CTNNA3: variants seen among roughly 807,000 people sequenced by gnomAD.
CTNNA3 encodes the protein catenin alpha 3, also known as catenin alpha-3.
A neutral mutation model predicts 95.7 loss-of-function variants in CTNNA3; 76 were observed. That is an observed-to-expected ratio of 0.79 (90% CI 0.66 to 0.96). The LOEUF (loss-of-function observed/expected upper bound fraction) is 0.96. CTNNA3 is among the 40% of genes least tolerant of loss of function. The pLI is 0.00. For synonymous variants in CTNNA3, 431 were observed against 374.4 expected, an observed-to-expected ratio of 1.15 and a Z score of -1.74; for missense variants, 1,191 against 1,089.8, an observed-to-expected ratio of 1.09 and a Z score of -1.31.
intron 7 of CTNNA3, among the ~76,000 whole-genome samples, chr10:66,836,289 A>G (rs1295966609): frequency 6.6e-6 from 1 of 152,090 alleles, no homozygotes; most frequent in Non-Finnish European, 1.5e-5. Context: ...ACACTGTTTA[A>G]ATTCCACAGT....
At position 67,490,656 on chromosome 10, in the gene CTNNA3, G is replaced by T. The variant is rs576964078; in HGVS notation, c.579+31186C>A. Among the ~76,000 whole-genome samples the T allele has an allele frequency of 2.0e-5, 3 of 152,124 alleles. No individual in the cohort carries two copies. In the South Asian group the frequency reaches 6.2e-4, roughly 32 times the overall value. On this transcript the variant is annotated intron_variant, in intron 5 of 17. Transcript: ENST00000433211. ...GAACCTAGCAATGAAATTTAAAATT[G>T]ATCTAAAATCACAGCTATAAAGAGA...
intron 5 of CTNNA3, among the ~76,000 whole-genome samples, chr10:67,253,063 A>C (rs2132364412): frequency 6.6e-6 from 1 of 152,240 alleles, no homozygotes; most frequent in South Asian, 2.1e-4. Context: ...TAAAGGAATA[A>C]CTTTATGGGT....
At chr10:67,648,721 C>A (rs142448518) in intron 1 of CTNNA3, 3 of 1,289,034 alleles carry the variant, frequency 2.3e-6, no homozygotes, top group East Asian at 1.1e-4. Context: ...CAAAGCCCTA[C>A]AATTTAGCCC....
chr10:65,962,298 A>G (rs1253257156), intron 17 of CTNNA3, among the ~76,000 whole-genome samples: 1 of 152,108 alleles, frequency 6.6e-6, no homozygotes, highest in Non-Finnish European at 1.5e-5. Context: ...CAAAACCTGA[A>G]TGAGTTTCCA....
rs1476175882 is a variant in CTNNA3 at position 65,913,943 on chromosome 10, A to G, written c.*6387T>C. The G allele has an allele frequency of 6.6e-6, 1 of 152,162 alleles. No individual in the cohort carries two copies. The highest frequency in any genetic ancestry group is 1.5e-5 in the Non-Finnish European group (1 of 68,032). The allele number at this position is 152,162 out of a possible 1,614,324, so 9.4% of individuals were successfully genotyped here. On this transcript the variant is annotated 3_prime_UTR_variant, in exon 18 of 18. Coordinates refer to ENST00000433211, the MANE Select transcript of CTNNA3 (RefSeq NM_013266.4). The stretch of plus-strand genomic sequence containing the variant: ...GTCAGAATAGAAAAGCAAGATATCT[A>G]CAGGCTTTTGAACTATTGATACAAC...
chr10:66,047,809 G>A (rs34160943), intron 15 of CTNNA3, among the ~76,000 whole-genome samples: 16,376 of 151,946 alleles, frequency 0.11, 1,035 homozygotes, highest in Non-Finnish European at 0.15. Context: ...TACAAAAATC[G>A]CTAGCATTCC....
intron 7 of CTNNA3, among the ~76,000 whole-genome samples, chr10:67,105,701 T>C (rs1564894354): frequency 6.6e-6 from 1 of 152,312 alleles, no homozygotes; most frequent in South Asian, 2.1e-4. Context: ...GCTGGAAATA[T>C]GATTTTTAAA....
intron 5 of CTNNA3, among the ~76,000 whole-genome samples, chr10:67,343,899 C>T (rs1228309385): frequency 6.7e-6 from 1 of 148,734 alleles, no homozygotes; most frequent in African/African-American, 2.4e-5. Flanking sequence ...TATAACACTA[C>T]AGCTTTTATT....
At chr10:66,685,620 C>G (rs1290455767) in intron 9 of CTNNA3, among the ~76,000 whole-genome samples, 2 of 151,254 alleles carry the variant, frequency 1.3e-5, no homozygotes, top group South Asian at 2.1e-4. Context: ...GATCCGCCCA[C>G]CTCGGCCTCC....
chr10:66,563,674 C>A (rs1589427381), intron 10 of CTNNA3, among the ~76,000 whole-genome samples: 1 of 151,984 alleles, frequency 6.6e-6, no homozygotes, highest in East Asian at 1.9e-4. Context: ...TACATACCCC[C>A]CTCACAATTT....
chr10:67,526,346 A>G (rs1840143423), intron 4 of CTNNA3, among the ~76,000 whole-genome samples: 1 of 142,168 alleles, frequency 7.0e-6, no homozygotes, highest in African/African-American at 2.6e-5. Context: ...CATATCTCAA[A>G]TGATTTTTTT....
intron 7 of CTNNA3, among the ~76,000 whole-genome samples, chr10:67,023,436 G>T (rs1430872413): frequency 6.6e-6 from 1 of 152,042 alleles, no homozygotes; most frequent in Non-Finnish European, 1.5e-5. Flanking sequence ...AATCCACCAG[G>T]CTTATCCATG....
chr10:66,254,873 T>C (rs754679967), intron 13 of CTNNA3, among the ~76,000 whole-genome samples: 1 of 152,198 alleles, frequency 6.6e-6, no homozygotes, highest in African/African-American at 2.4e-5. Context: ...TTCTTTTCCA[T>C]TTTTGAATTA....
chr10:66,857,978 G>C (rs1049800026), intron 7 of CTNNA3, among the ~76,000 whole-genome samples: 2 of 151,990 alleles, frequency 1.3e-5, no homozygotes, highest in Non-Finnish European at 2.9e-5. Context: ...TCCTTGTCTT[G>C]TTCTAGTTTT....
intron 3 of CTNNA3, among the ~76,000 whole-genome samples, chr10:67,587,193 T>TTGTGTGTGTGTGTG (rs57140243): frequency 2.6e-4 from 34 of 130,154 alleles, no homozygotes; most frequent in South Asian, 1.1e-3. Flanking sequence ...CCCAGCTAAC[T>TTGTGTGTGTGTGTG]TGTGTGTGTG....
intron 3 of CTNNA3, among the ~76,000 whole-genome samples, chr10:67,582,836 T>C (rs1307970045): frequency 1.3e-5 from 2 of 152,148 alleles, no homozygotes; most frequent in Non-Finnish European, 2.9e-5. Context: ...TCTCTTTTGA[T>C]CTTTTTTCAT....
At chr10:66,142,585 G>C (rs891306222) in intron 13 of CTNNA3, among the ~76,000 whole-genome samples, 1 of 151,808 alleles carries the variant, frequency 6.6e-6, no homozygotes, top group Non-Finnish European at 1.5e-5. Context: ...AGATCAAGTT[G>C]GAAATAATAG....
At chr10:67,271,051 A>G (rs1334805452) in intron 5 of CTNNA3, among the ~76,000 whole-genome samples, 2 of 152,190 alleles carry the variant, frequency 1.3e-5, no homozygotes, top group African/African-American at 4.8e-5. Context: ...TATTATAAAA[A>G]TGCTGTGATA....
intron 7 of CTNNA3, among the ~76,000 whole-genome samples, chr10:66,851,831 C>T (rs997475730): frequency 2.0e-5 from 3 of 152,176 alleles, no homozygotes; most frequent in Admixed American, 2.0e-4. Context: ...ACCCAGTCTC[C>T]GTTATTTTTT....
Sources: gnomAD v4.1 joint callset for allele counts (sites outside exome capture counted in the v4.1 genomes callset) on GRCh38, gnomAD v4.1.1 for gene constraint, MANE v1.5 for transcripts, NCBI Gene and HGNC (gene_info 2026-07-23, HGNC 2026-07-21) for gene names.